The following MLIP variants were observed in gnomAD, a reference collection of about 807,000 sequenced individuals.
MLIP encodes muscular LMNA interacting protein.
In MLIP, 79 loss-of-function variants were observed where a neutral mutation model predicts 84.8. The observed-to-expected ratio is 0.93, with a 90% CI of 0.78 to 1.12. The LOEUF (loss-of-function observed/expected upper bound fraction) is 1.12, where lower values mean the gene tolerates loss of function less well. Ranked by LOEUF, MLIP falls within the 50% of genes most tolerant of loss-of-function variation. MLIP has a pLI of 0.00. For missense variants in MLIP, 1,257 were observed against 1,160.6 expected, an observed-to-expected ratio of 1.08 and a Z score of -1.21; for synonymous variants, 504 against 463.0, an observed-to-expected ratio of 1.09 and a Z score of -1.14.
intron 1 of MLIP, among the ~76,000 whole-genome samples, chr6:54,084,352 CA>C (rs1767352795): frequency 3.3e-5 from 5 of 152,116 alleles, no homozygotes; most frequent in African/African-American, 1.2e-4. Context: ...TGGTGCTGAA[CA>C]TGATCACATT....
At chr6:54,190,651 C>G (rs1162726686) in intron 10 of MLIP, among the ~76,000 whole-genome samples, 2 of 152,040 alleles carry the variant, frequency 1.3e-5, no homozygotes, top group Non-Finnish European at 2.9e-5. Flanking sequence ...CAGATCCAGA[C>G]TCTAAAATCT....
At chr6:54,125,905 T>C (rs1217405151) in intron 3 of MLIP, among the ~76,000 whole-genome samples, 1 of 151,880 alleles carries the variant, frequency 6.6e-6, no homozygotes, top group Non-Finnish European at 1.5e-5. Context: ...TTTATTTCTG[T>C]AGGCTTCACT....
chr6:54,217,549 G>T, intron 11 of MLIP: 1 of 984,742 alleles, frequency 1.0e-6, no homozygotes, highest in South Asian at 4.7e-5. Context: ...AATGAACAAA[G>T]ATATTACTTG....
intron 8 of MLIP, among the ~76,000 whole-genome samples, chr6:54,163,840 T>G (rs947386706): frequency 3.9e-5 from 6 of 151,966 alleles, no homozygotes; most frequent in African/African-American, 1.4e-4. Flanking sequence ...TTGCTTCAAG[T>G]TGTATAAAGC....
intron 1 of MLIP, among the ~76,000 whole-genome samples, chr6:54,038,104 A>T (rs1764545817): frequency 6.6e-6 from 1 of 151,846 alleles, no homozygotes; most frequent in African/African-American, 2.4e-5. Context: ...AGTACCCATA[A>T]AAAGATCCTG....
chr6:54,208,801 C>T (rs536691829), intron 11 of MLIP, among the ~76,000 whole-genome samples: 22 of 152,174 alleles, frequency 1.4e-4, no homozygotes, highest in South Asian at 1.0e-3. Context: ...TCTTATAATA[C>T]GTAAGATATT....
chr6:54,253,708 T>C (rs766188891), intron 12 of MLIP, among the ~76,000 whole-genome samples: 9 of 152,148 alleles, frequency 5.9e-5, no homozygotes, highest in Non-Finnish European at 5.9e-5. Context: ...TTTTTGAGCA[T>C]GCTAGTGACA....
Position 54,189,896 on chromosome 6 carries a change from A to G in MLIP, c.2571A>G (p.Thr857=). The change falls in exon 10 of 14, where the codon ACA becomes ACG. Residue 857 remains threonine (T), a synonymous_variant. Transcript: ENST00000502396. The stretch of plus-strand genomic sequence containing the variant: ...CAAATCTCTCCTCACCATCTTCTAC[A>G]GTATCTGAGAGTCAGCTGGTATGTA... ...KYANLSSPSS[T]VSESQLTKPG... is the part of the protein sequence containing the mutation. The G allele has an allele frequency of 6.2e-7, 1 of 1,603,626 alleles. No homozygotes were observed. Among genetic ancestry groups the G allele is most frequent in the Non-Finnish European group, 8.5e-7 (1 of 1,170,998 alleles).
At chr6:54,195,041 T>A (rs1778200489) in intron 10 of MLIP, among the ~76,000 whole-genome samples, 1 of 152,080 alleles carries the variant, frequency 6.6e-6, no homozygotes, top group Non-Finnish European at 1.5e-5. Flanking sequence ...CTAGAGAATA[T>A]TGCTTTTGCC....
chr6:54,131,886 A>G (rs1166983577), intron 3 of MLIP, among the ~76,000 whole-genome samples: 1 of 152,162 alleles, frequency 6.6e-6, no homozygotes, highest in Non-Finnish European at 1.5e-5. Flanking sequence ...GGCTGGATTC[A>G]GTTAATCTTT....
At chr6:54,153,170 C>A (rs1773635467) in intron 5 of MLIP, among the ~76,000 whole-genome samples, 1 of 150,596 alleles carries the variant, frequency 6.6e-6, no homozygotes, top group East Asian at 2.0e-4. Flanking sequence ...AGGTTTAATT[C>A]TTTAAATGGA....
At chr6:54,097,084 ATTG>A (rs1480490371) in intron 1 of MLIP, among the ~76,000 whole-genome samples, 1 of 152,192 alleles carries the variant, frequency 6.6e-6, no homozygotes, top group African/African-American at 2.4e-5. Flanking sequence ...TAGAAATTGA[ATTG>A]TTGTTAATTT....
At chr6:54,265,190 T>A (rs1275847425) in intron 13 of MLIP, among the ~76,000 whole-genome samples, 1 of 152,154 alleles carries the variant, frequency 6.6e-6, no homozygotes, top group East Asian at 1.9e-4. Context: ...TTCCGTCACA[T>A]TGTTCTATCA....
chr6:54,099,886 G>A (rs891411891), intron 1 of MLIP, among the ~76,000 whole-genome samples: 1 of 152,036 alleles, frequency 6.6e-6, no homozygotes, highest in Admixed American at 6.6e-5. Flanking sequence ...GGGTATAAAT[G>A]TAAAGGCAAG....
chr6:54,054,430 C>CAAAAAA (rs60998933), intron 1 of MLIP, among the ~76,000 whole-genome samples: 1 of 131,300 alleles, frequency 7.6e-6, no homozygotes, highest in African/African-American at 2.9e-5. Context: ...GAAAAAAAGG[C>CAAAAAA]AAAAAAAAAA....
chr6:54,160,753 C>G lies in MLIP; in HGVS notation c.2453C>G (p.Ser818Cys). ...TTTTTTTTTCAGCATTCTTCTGATT[C>G]TCCTTCAAGGTCCCCAAAGACATTG... is the stretch of plus-strand genomic sequence containing the variant. ...QDSLSMHSSD[S>C]PSRSPKTLLG... is the part of the protein sequence containing the mutation. The change falls in exon 8 of 14, where the codon TCT becomes TGT. Residue 818 changes from serine to cysteine, a missense_variant. Transcript: ENST00000502396. 1.3e-6 allele frequency: 2 copies of G among 1,592,246 alleles called. No homozygotes were observed. The highest frequency in any genetic ancestry group is 1.7e-6 in the Non-Finnish European group (2 of 1,161,800).
At chr6:54,174,279 T>C (rs967394246) in intron 9 of MLIP, among the ~76,000 whole-genome samples, 2 of 151,930 alleles carry the variant, frequency 1.3e-5, no homozygotes, top group Admixed American at 1.3e-4. Flanking sequence ...GGATCATACA[T>C]GGTAGCTCTT....
intron 12 of MLIP, among the ~76,000 whole-genome samples, chr6:54,245,241 G>C (rs1274152891): frequency 6.6e-6 from 1 of 152,082 alleles, no homozygotes; most frequent in Admixed American, 6.6e-5. Context: ...ATTGAGGGAG[G>C]GTTCTTCAGA....
At position 54,124,545 on chromosome 6, in the gene MLIP, C is replaced by T. The variant is rs1377354191; in HGVS notation, c.325C>T (p.Pro109Ser). 6.2e-7 allele frequency: 1 copy of T among 1,614,168 alleles called. No individual in the cohort carries two copies. The highest frequency in any genetic ancestry group is 1.3e-5 in the African/African-American group (1 of 75,042). Reference protein sequence around the residue: ...QERDQAKLTCPSEVSGTILQE... With the variant: ...QERDQAKLTCSSEVSGTILQE... ...GAGAGACCAAGCGAAATTGACTTGTCCTTCAGAGGTCAGTGGAACGATTTT... is the reference window on the plus strand; with the variant it reads ...GAGAGACCAAGCGAAATTGACTTGTTCTTCAGAGGTCAGTGGAACGATTTT... Residue 109 changes from proline (P) to serine (S), a missense_variant, in exon 3 of 14, where the codon CCT (proline) becomes TCT (serine). Coordinates refer to ENST00000502396, the MANE Select transcript of MLIP (RefSeq NM_001281747.2).
Sources: allele counts gnomAD v4.1 joint callset (sites outside exome capture counted in the v4.1 genomes callset), GRCh38; gene constraint gnomAD v4.1.1; transcripts MANE v1.5; gene names NCBI Gene and HGNC (gene_info 2026-07-23, HGNC 2026-07-21).